Variants in PTPRT observed in about 807,000 individuals in gnomAD.
PTPRT encodes receptor-type tyrosine-protein phosphatase T.
PTPRT carries 56 observed loss-of-function variants against 176.8 expected under a neutral mutation model. That is an observed-to-expected ratio of 0.32 (90% CI 0.26 to 0.40). PTPRT has a LOEUF of 0.40. PTPRT is among the 10% of genes least tolerant of loss of function. The pLI is 1.00. For synonymous variants in PTPRT, 783 were observed against 739.0 expected (o/e 1.06, Z -0.96); for missense variants, 1,540 against 1,908.2 (o/e 0.81, Z 3.60).
At chr20:42,855,244 A>C (rs2078540607) in intron 2 of PTPRT, among the ~76,000 whole-genome samples, 1 of 152,158 alleles carries the variant, frequency 6.6e-6, no homozygotes. Flanking sequence ...ATTCCAGAAA[A>C]TATGGTGGTT....
chr20:42,706,827 C>T (rs573928878), intron 6 of PTPRT, among the ~76,000 whole-genome samples: 2 of 152,204 alleles, frequency 1.3e-5, no homozygotes, highest in Non-Finnish European at 2.9e-5. Flanking sequence ...CTCAGTACCT[C>T]AGAATGTTAC....
chr20:42,517,771 T>G (rs1434937068), intron 7 of PTPRT, among the ~76,000 whole-genome samples: 4 of 152,024 alleles, frequency 2.6e-5, no homozygotes. Context: ...GAGATTTAAG[T>G]CCACACACAG....
At chr20:42,986,265 C>A (rs139714272) in intron 1 of PTPRT, among the ~76,000 whole-genome samples, 1 of 152,218 alleles carries the variant, frequency 6.6e-6, no homozygotes, top group South Asian at 2.1e-4. Flanking sequence ...TTTTCAAGAG[C>A]GATTAGGTGG....
chr20:42,501,260 C>A (rs1386712816), intron 7 of PTPRT, among the ~76,000 whole-genome samples: 1 of 152,164 alleles, frequency 6.6e-6, no homozygotes, highest in Admixed American at 6.6e-5. Flanking sequence ...GAGTCCACCA[C>A]AGTGTTTTAA....
At chr20:43,069,040 G>A (rs1212195185) in intron 1 of PTPRT, among the ~76,000 whole-genome samples, 1 of 152,190 alleles carries the variant, frequency 6.6e-6, no homozygotes, top group Non-Finnish European at 1.5e-5. Flanking sequence ...ATAAATGCAT[G>A]CAGTCTAGAA....
chr20:42,482,650 G>A (rs1378126558), intron 7 of PTPRT, among the ~76,000 whole-genome samples: 1 of 152,130 alleles, frequency 6.6e-6, no homozygotes, highest in African/African-American at 2.4e-5. Context: ...GTGCTGTGGA[G>A]AAAAATCAAG....
chr20:43,141,461 T>A (rs1023781710), intron 1 of PTPRT, among the ~76,000 whole-genome samples: 3 of 152,192 alleles, frequency 2.0e-5, no homozygotes, highest in Non-Finnish European at 4.4e-5. Flanking sequence ...CTTCTTCACA[T>A]GGAGGTGTCA....
intron 1 of PTPRT, among the ~76,000 whole-genome samples, chr20:43,131,894 GT>G (rs1308661043): frequency 6.6e-6 from 1 of 152,062 alleles, no homozygotes; most frequent in Non-Finnish European, 1.5e-5. Flanking sequence ...ACATTTTATA[GT>G]AAACTTAATA....
chr20:42,972,428 G>A lies in PTPRT; in HGVS notation c.89-86496C>T, dbSNP rs182611444. ...TGTAATGCCAACACTTAGGGAGGCC[G>A]AGGTGAGCAGATAACTTGAGGTAAG... On this transcript the variant is annotated intron_variant, in intron 1 of 30. Transcript: ENST00000373187. 5.3e-5 allele frequency among the ~76,000 whole-genome samples: 8 copies of A among 151,638 alleles called. No homozygotes were observed. The East Asian group carries it at 6.0e-4, about 11-fold the overall frequency.
chr20:42,660,846 G>A (rs1047153787), intron 7 of PTPRT, among the ~76,000 whole-genome samples: 1 of 151,976 alleles, frequency 6.6e-6, no homozygotes, highest in African/African-American at 2.4e-5. Flanking sequence ...TTTTTTGTTT[G>A]TTTGTTTGTT....
chr20:42,221,531 C>CTT (rs35552146), intron 15 of PTPRT, among the ~76,000 whole-genome samples: 8,293 of 146,462 alleles, frequency 0.057, 749 homozygotes, highest in African/African-American at 0.19. Flanking sequence ...GAAACTGCCA[C>CTT]TTTTTTTTTT....
intron 4 of PTPRT, among the ~76,000 whole-genome samples, chr20:42,772,652 C>G (rs546660927): frequency 6.6e-6 from 1 of 152,254 alleles, no homozygotes; most frequent in African/African-American, 2.4e-5. Flanking sequence ...TGAAGGATCT[C>G]TATGCCATCA....
chr20:42,513,662 G>A (rs17249751), intron 7 of PTPRT, among the ~76,000 whole-genome samples: 1,973 of 152,202 alleles, frequency 0.013, 17 homozygotes, highest in Middle Eastern at 0.061. Context: ...TGTAAAGAAC[G>A]ATCATCAGAA....
At chr20:42,314,488 C>A (rs2057685321) in intron 12 of PTPRT, among the ~76,000 whole-genome samples, 1 of 141,576 alleles carries the variant, frequency 7.1e-6, no homozygotes, top group Non-Finnish European at 1.5e-5. Flanking sequence ...AAGATCGCAC[C>A]ACTGCACTCC....
In PTPRT at chr20:42,161,433, G is replaced by T; in HGVS notation, c.2601C>A (p.Pro867=). 6.2e-7 allele frequency: 1 copy of T among 1,614,166 alleles called. No homozygotes were observed. The highest frequency in any genetic ancestry group is 2.2e-5 in the East Asian group (1 of 44,872). The change falls in exon 17 of 31, where the codon CCC becomes CCA. Residue 867 remains proline, a synonymous_variant. Coordinates refer to ENST00000373187, the MANE Select transcript of PTPRT (RefSeq NM_007050.6). ...EMSYPRDQFQ[P]AIRVADLLQH... The stretch of plus-strand genomic sequence containing the variant: ...GCAGCAAGTCAGCCACCCGGATGGC[G>T]GGTTGGAACTGGTCCCGGGGGTAGC...
intron 7 of PTPRT, among the ~76,000 whole-genome samples, chr20:42,661,882 C>A (rs2075229173): frequency 1.3e-5 from 2 of 152,220 alleles, no homozygotes; most frequent in South Asian, 4.1e-4. Context: ...GGATAACTCT[C>A]CCATTCTTCT....
chr20:42,947,489 C>G (rs908676232), intron 1 of PTPRT, among the ~76,000 whole-genome samples: 16 of 152,172 alleles, frequency 1.1e-4, no homozygotes, highest in Admixed American at 9.8e-4. Flanking sequence ...CTCCAGAGGC[C>G]AATCTCCTTC....
At position 43,068,362 on chromosome 20, in the gene PTPRT, G is replaced by T. The variant is rs367827872; in HGVS notation, c.88+121284C>A. Among the ~76,000 whole-genome samples, 3 of 151,354 alleles carry T rather than the reference G, an allele frequency of 2.0e-5. 1 individual carries two copies. The highest frequency in any genetic ancestry group is 7.3e-5 in the African/African-American group (3 of 41,260). ...TACTAAAAACACTAAAAAATTAGCC[G>T]GGCATGGTGGCGGGGAACCTGTAGT... On this transcript the variant is annotated intron_variant, in intron 1 of 30. Coordinates refer to ENST00000373187, the MANE Select transcript of PTPRT (RefSeq NM_007050.6).
At chr20:43,001,177 A>G (rs1277903690) in intron 1 of PTPRT, among the ~76,000 whole-genome samples, 1 of 152,196 alleles carries the variant, frequency 6.6e-6, no homozygotes, top group Non-Finnish European at 1.5e-5. Context: ...ACAAAGATGA[A>G]GAACATATTC....
Sources: allele counts gnomAD v4.1 joint callset (sites outside exome capture counted in the v4.1 genomes callset), GRCh38; gene constraint gnomAD v4.1.1; transcripts MANE v1.5; gene names NCBI Gene and HGNC (gene_info 2026-07-23, HGNC 2026-07-21).